CPEB1: variants seen among roughly 807,000 people sequenced by gnomAD.
CPEB1 encodes the protein cytoplasmic polyadenylation element-binding protein 1.
A neutral mutation model predicts 65.8 loss-of-function variants in CPEB1; 7 were observed. The observed-to-expected ratio is 0.11, with a 90% CI of 0.06 to 0.20. The LOEUF (loss-of-function observed/expected upper bound fraction) is 0.20, where lower values mean the gene tolerates loss of function less well. Ranked by LOEUF, CPEB1 falls within the 10% of genes least tolerant of loss-of-function variation. The probability of loss-of-function intolerance (pLI) is 1.00; values close to 1 mark genes in which losing one functional copy is unlikely to be tolerated. For missense variants in CPEB1, 551 were observed against 712.2 expected, an observed-to-expected ratio of 0.77 and a Z score of 2.58; for synonymous variants, 262 against 260.0, an observed-to-expected ratio of 1.01 and a Z score of -0.08.
At position 82,647,050 on chromosome 15, in the gene CPEB1, G is replaced by GAC. The variant is rs1567246849; in HGVS notation, c.-98+86_-98+87insGT. ...CCAGGCTGAGGGTCCGAACAGCACAGCCCAGAGTGGGCTCGGGTCGCTCCC... is the reference window on the plus strand; with the variant it reads ...CCAGGCTGAGGGTCCGAACAGCACAGACCCCAGAGTGGGCTCGGGTCGCTCCC... On this transcript the variant is annotated intron_variant, in intron 1 of 12. Transcript: ENST00000684509. 3.3e-5 allele frequency: 5 copies of GAC among 152,838 alleles called. No homozygotes were observed. In the East Asian group the frequency reaches 9.7e-4, roughly 30 times the overall value. The allele number at this position is 152,838 out of a possible 1,614,324, so 9.5% of individuals were successfully genotyped here. A position where few individuals can be genotyped will look rare whatever the true frequency, so the allele number is the denominator to read the frequency against.
At chr15:82,571,987 G>T in intron 3 of CPEB1, 1 of 385,370 alleles carries the variant, frequency 2.6e-6, no homozygotes, top group Non-Finnish European at 3.6e-6. Context: ...GCGCCCTCCG[G>T]TCTCCAGCAA....
intron 10 of CPEB1, among the ~76,000 whole-genome samples, chr15:82,547,629 C>T (rs926752052): frequency 6.6e-4 from 100 of 152,046 alleles, no homozygotes; most frequent in African/African-American, 2.3e-3. Context: ...AAACCCTTTA[C>T]GATACTAGTG....
intron 1 of CPEB1, among the ~76,000 whole-genome samples, chr15:82,644,356 G>A (rs956530642): frequency 4.6e-5 from 7 of 152,186 alleles, no homozygotes; most frequent in South Asian, 2.1e-4. Context: ...GCTGGGCTAC[G>A]GCACCAGAAG....
chr15:82,615,602 G>A (rs151038483), intron 3 of CPEB1, among the ~76,000 whole-genome samples: 243 of 152,122 alleles, frequency 1.6e-3, no homozygotes, highest in African/African-American at 5.6e-3. Context: ...TATGCTACAC[G>A]TATTATTTTA....
Position 82,623,539 on chromosome 15 carries a change from G to A in CPEB1, c.271+3654C>T, listed in dbSNP as rs546951233. 5.3e-5 allele frequency among the ~76,000 whole-genome samples: 8 copies of A among 152,294 alleles called. No homozygotes were observed. In the South Asian group the frequency reaches 1.5e-3, roughly 28 times the overall value. On this transcript the variant is annotated intron_variant, in intron 3 of 12. Transcript: ENST00000684509. ...ACTAATACAAAAATTAGCCAGGCGT[G>A]GTGGGGCATACCCGTAATCCCAGTT...
At chr15:82,639,829 T>C (rs2046959182) in intron 1 of CPEB1, among the ~76,000 whole-genome samples, 1 of 150,796 alleles carries the variant, frequency 6.6e-6, no homozygotes, top group African/African-American at 2.5e-5. Context: ...CAACCAGTCC[T>C]CAGACACACA....
chr15:82,574,106 C>T (rs1052117096), intron 3 of CPEB1, among the ~76,000 whole-genome samples: 1 of 152,204 alleles, frequency 6.6e-6, no homozygotes, highest in Non-Finnish European at 1.5e-5. Context: ...TGGAGTTCTA[C>T]ACACAGTATA....
At chr15:82,554,096 C>A in intron 6 of CPEB1, 105 bp from the exon 7 acceptor site, 1 of 635,782 alleles carries the variant, frequency 1.6e-6, no homozygotes, top group Non-Finnish European at 2.7e-6. Context: ...TGGCCACAAT[C>A]CTTGCCCAGA....
chr15:82,632,170 G>A lies in CPEB1; in HGVS notation c.-97-3614C>T, dbSNP rs1243969929. On this transcript the variant is annotated intron_variant, in intron 1 of 12. Coordinates refer to ENST00000684509, the MANE Select transcript of CPEB1 (RefSeq NM_001365242.1). Reference sequence around the variant, plus strand: ...CTCATTTTTTTGTATTTTTAGTAGAGATGGGGTTTCACCACATTAGTCAGG... The same window carrying A: ...CTCATTTTTTTGTATTTTTAGTAGAAATGGGGTTTCACCACATTAGTCAGG... Among the ~76,000 whole-genome samples the A allele has an allele frequency of 2.0e-5, 3 of 151,796 alleles. No homozygotes were observed. In the South Asian group the frequency reaches 6.3e-4, roughly 32 times the overall value.
chr15:82,628,142 G>C (rs548554449), intron 2 of CPEB1: 41 of 695,532 alleles, frequency 5.9e-5, no homozygotes, highest in South Asian at 5.7e-4. Flanking sequence ...TTACACCAGT[G>C]ACAATGCCAT....
intron 4 of CPEB1, among the ~76,000 whole-genome samples, chr15:82,569,779 T>A (rs2039729518): frequency 6.6e-6 from 1 of 152,176 alleles, no homozygotes; most frequent in South Asian, 2.1e-4. Flanking sequence ...CTGATGCCAA[T>A]GAAAGACAGT....
intron 3 of CPEB1, among the ~76,000 whole-genome samples, chr15:82,608,811 T>C (rs1018702307): frequency 1.1e-4 from 17 of 152,130 alleles, no homozygotes; most frequent in African/African-American, 3.9e-4. Context: ...GATGACAGTA[T>C]CAGGAAGGAA....
intron 3 of CPEB1, among the ~76,000 whole-genome samples, chr15:82,575,115 C>G (rs966144961): frequency 6.6e-6 from 1 of 152,132 alleles, no homozygotes; most frequent in Non-Finnish European, 1.5e-5. Flanking sequence ...CAACTGAATG[C>G]GTATCATTTT....
intron 3 of CPEB1, among the ~76,000 whole-genome samples, chr15:82,580,455 T>A (rs1331448630): frequency 6.6e-6 from 1 of 152,220 alleles, no homozygotes; most frequent in Non-Finnish European, 1.5e-5. Context: ...GTTTCACTTA[T>A]AATAAAAATG....
intron 3 of CPEB1, among the ~76,000 whole-genome samples, chr15:82,621,813 TTAAA>T (rs2045328720): frequency 1.3e-5 from 2 of 152,196 alleles, no homozygotes; most frequent in South Asian, 4.1e-4. Context: ...TTAAAAACTG[TTAAA>T]TAAACATATC....
intron 3 of CPEB1, among the ~76,000 whole-genome samples, chr15:82,585,438 C>A (rs1262874909): frequency 6.6e-6 from 1 of 152,228 alleles, no homozygotes; most frequent in Non-Finnish European, 1.5e-5. Flanking sequence ...TGAAACATCA[C>A]ATTCTCACTT....
chr15:82,627,480 A>G (rs1032133476), intron 2 of CPEB1, 113 bp from the exon 3 acceptor site: 1 of 736,208 alleles, frequency 1.4e-6, no homozygotes, highest in Non-Finnish European at 2.1e-6. Context: ...TTCTTTATAC[A>G]TTAAAACACT....
At chr15:82,571,730 T>TCACA in intron 3 of CPEB1, 198 bp from the exon 4 acceptor site, 5 of 1,418,478 alleles carry the variant, frequency 3.5e-6, no homozygotes, top group Middle Eastern at 2.6e-4. Flanking sequence ...CCCCCTCCCC[T>TCACA]CACACACACA....
chr15:82,546,864 AG>A (rs2035318070), intron 11 of CPEB1, among the ~76,000 whole-genome samples: 1 of 152,180 alleles, frequency 6.6e-6, no homozygotes, highest in African/African-American at 2.4e-5. Context: ...GTTGGAAAAT[AG>A]GAAGTCAGGC....
Sources: allele counts gnomAD v4.1 joint callset (sites outside exome capture counted in the v4.1 genomes callset), GRCh38; gene constraint gnomAD v4.1.1; transcripts MANE v1.5; gene names NCBI Gene and HGNC (gene_info 2026-07-23, HGNC 2026-07-21).